SPOPL: variants seen among roughly 807,000 people sequenced by gnomAD.
SPOPL encodes speckle-type POZ protein-like.
Under a neutral mutation model 53.8 loss-of-function variants are expected in SPOPL, and 23 were observed. That is an observed-to-expected ratio of 0.43 (90% CI 0.31 to 0.61). SPOPL has a LOEUF of 0.61. SPOPL is among the 20% of genes least tolerant of loss of function. SPOPL has a pLI of 0.12. For synonymous variants in SPOPL, 164 were observed against 149.7 expected (o/e 1.10, Z -0.70); for missense variants, 442 against 466.9 (o/e 0.95, Z 0.49).
At chr2:138,502,223 G>T (rs1684115911) in intron 1 of SPOPL, 104 bp downstream of exon 1, 1 of 152,026 alleles carries the variant, frequency 6.6e-6, no homozygotes, top group Non-Finnish European at 1.5e-5. Context: ...GCGCCTCACT[G>T]CGCCCTCTGC....
intron 1 of SPOPL, among the ~76,000 whole-genome samples, chr2:138,510,184 C>G (rs1684297460): frequency 1.3e-5 from 2 of 152,160 alleles, no homozygotes; most frequent in African/African-American, 4.8e-5. Context: ...CTATGAACAA[C>G]CTTATGCAGG....
Position 138,552,637 on chromosome 2 carries a change from G to A in SPOPL, c.436G>A (p.Ala146Thr), listed in dbSNP as rs369085753. ...TAGAAGGGACTTTTTGCTTGATGAA[G>A]CTAATGGTCTTTTACCAGATGACAA... is the stretch of plus-strand genomic sequence containing the variant. ...FIRRDFLLDEANGLLPDDKLT... is the reference protein window; with the variant it reads ...FIRRDFLLDETNGLLPDDKLT... The change falls in exon 5 of 11, where the codon GCT (alanine) becomes ACT (threonine). Residue 146 changes from alanine (A) to threonine (T), a missense_variant. Ala to Thr is a moderately conservative substitution (Grantham distance 58). Coordinates refer to ENST00000280098, the MANE Select transcript of SPOPL (RefSeq NM_001001664.3). 3.7e-6 allele frequency: 6 copies of A among 1,612,998 alleles called. No individual in the cohort carries two copies. Among genetic ancestry groups the A allele is most frequent in the South Asian group, 2.2e-5 (2 of 91,042 alleles).
At chr2:138,558,611 T>G (rs1479293355) in intron 5 of SPOPL, among the ~76,000 whole-genome samples, 1 of 152,142 alleles carries the variant, frequency 6.6e-6, no homozygotes. Context: ...CAAAATACTA[T>G]GTTTATGTAC....
intron 10 of SPOPL, among the ~76,000 whole-genome samples, chr2:138,568,124 ATGGAAGCT>A (rs1281956283): frequency 6.6e-6 from 1 of 152,180 alleles, no homozygotes; most frequent in Non-Finnish European, 1.5e-5. Flanking sequence ...AGGGAACATT[ATGGAAGCT>A]TGGTTTAAGA....
At position 138,525,665 on chromosome 2, in the gene SPOPL, A is replaced by AAAAACAAC. The variant is rs942717750; in HGVS notation, c.-61+23550_-61+23551insCAACAAAA. Among the ~76,000 whole-genome samples the AAAAACAAC allele has an allele frequency of 1.0e-3, 118 of 115,346 alleles. 1 individual carries two copies. Among genetic ancestry groups the AAAAACAAC allele is most frequent in the African/African-American group, 3.6e-3 (96 of 26,406 alleles). 75.7% of individuals were successfully genotyped at this position (115,346 alleles called of 152,430 possible). A position where few individuals can be genotyped will look rare whatever the true frequency, so the allele number is the denominator to read the frequency against. On this transcript the variant is annotated intron_variant, in intron 1 of 10. Coordinates refer to ENST00000280098, the MANE Select transcript of SPOPL (RefSeq NM_001001664.3). ...ATCAGTATAAAAAGTAGAAAAAAAA[A>AAAAACAAC]AAAAAAAAATACACAAAAAACAATT...
chr2:138,525,656 G>GAA (rs71406327), intron 1 of SPOPL, among the ~76,000 whole-genome samples: 2,076 of 29,956 alleles, frequency 0.069, 69 homozygotes, highest in African/African-American at 0.15. Flanking sequence ...ATAAAAAGTA[G>GAA]AAAAAAAAAA....
In SPOPL at chr2:138,571,277, C is replaced by T. The variant is rs773418526; in HGVS notation, c.*2197C>T. On this transcript the variant is annotated 3_prime_UTR_variant, in exon 11 of 11. Coordinates refer to ENST00000280098, the MANE Select transcript of SPOPL (RefSeq NM_001001664.3). ...CGGCACATTGTGATTTAATTCACCG[C>T]TTGAATCTATATTTCTAACCACAGT... is the stretch of plus-strand genomic sequence containing the variant. 2 of 152,464 alleles carry T rather than the reference C, an allele frequency of 1.3e-5. No individual in the cohort carries two copies. The highest frequency in any genetic ancestry group is 2.9e-5 in the Non-Finnish European group (2 of 68,004). 9.4% of individuals were successfully genotyped at this position (152,464 alleles called of 1,614,324 possible).
intron 1 of SPOPL, among the ~76,000 whole-genome samples, chr2:138,522,461 T>A (rs1032258746): frequency 2.6e-5 from 4 of 152,150 alleles, no homozygotes; most frequent in East Asian, 1.9e-4. Context: ...CCCTTTTTTT[T>A]AAAACTGGGG....
intron 1 of SPOPL, among the ~76,000 whole-genome samples, chr2:138,520,625 C>G (rs1486025022): frequency 6.6e-6 from 1 of 152,102 alleles, no homozygotes; most frequent in Non-Finnish European, 1.5e-5. Flanking sequence ...TTCCTTGTTT[C>G]TACATGGCCT....
intron 5 of SPOPL, among the ~76,000 whole-genome samples, chr2:138,554,890 C>A (rs1685388838): frequency 6.6e-6 from 1 of 152,020 alleles, no homozygotes; most frequent in Non-Finnish European, 1.5e-5. Context: ...TCCTGTTTAT[C>A]TTTTGCTAAG....
At chr2:138,566,102 T>G (rs1303698817) in intron 10 of SPOPL, among the ~76,000 whole-genome samples, 1 of 152,216 alleles carries the variant, frequency 6.6e-6, no homozygotes, top group African/African-American at 2.4e-5. Context: ...TAATCTGTTT[T>G]GATATATGTT....
At chr2:138,532,967 A>G (rs1369449111) in intron 1 of SPOPL, among the ~76,000 whole-genome samples, 8 of 152,128 alleles carry the variant, frequency 5.3e-5, no homozygotes, top group African/African-American at 1.4e-4. Context: ...GGTAGCCTCT[A>G]AGTACTTTTT....
At chr2:138,549,489 A>T (rs967481673) in intron 1 of SPOPL, among the ~76,000 whole-genome samples, 1 of 152,116 alleles carries the variant, frequency 6.6e-6, no homozygotes, top group East Asian at 1.9e-4. Flanking sequence ...TATCCTGGTT[A>T]GGTTATGAAG....
intron 1 of SPOPL, among the ~76,000 whole-genome samples, chr2:138,545,672 C>T (rs1685179102): frequency 6.6e-6 from 1 of 151,994 alleles, no homozygotes; most frequent in South Asian, 2.1e-4. Flanking sequence ...ATCTTCTGAC[C>T]TCATGATCCG....
chr2:138,556,705 T>G (rs1685431968), intron 5 of SPOPL, among the ~76,000 whole-genome samples: 1 of 152,198 alleles, frequency 6.6e-6, no homozygotes, highest in Non-Finnish European at 1.5e-5. Context: ...TAGGAGCACC[T>G]TTATTGGCAG....
At chr2:138,522,136 A>G (rs1684572439) in intron 1 of SPOPL, among the ~76,000 whole-genome samples, 1 of 152,192 alleles carries the variant, frequency 6.6e-6, no homozygotes, top group South Asian at 2.1e-4. Context: ...AGGTAATTCT[A>G]CTGCACACTT....
At chr2:138,548,037 A>G (rs1203201402) in intron 1 of SPOPL, among the ~76,000 whole-genome samples, 1 of 152,142 alleles carries the variant, frequency 6.6e-6, no homozygotes, top group Admixed American at 6.5e-5. Context: ...ATGTATTTAC[A>G]GGATGAATCT....
intron 8 of SPOPL, among the ~76,000 whole-genome samples, chr2:138,564,003 A>T (rs1454122464): frequency 6.6e-6 from 1 of 152,268 alleles, no homozygotes; most frequent in African/African-American, 2.4e-5. Flanking sequence ...AGTCAGACAA[A>T]AACAAACATG....
At chr2:138,568,428 G>A (rs1263863902) in intron 10 of SPOPL, among the ~76,000 whole-genome samples, 1 of 152,204 alleles carries the variant, frequency 6.6e-6, no homozygotes. Flanking sequence ...GGGTCTTGAG[G>A]CACATCCAAG....
Sources: allele counts gnomAD v4.1 joint callset (sites outside exome capture counted in the v4.1 genomes callset), GRCh38; gene constraint gnomAD v4.1.1; transcripts MANE v1.5; gene names NCBI Gene and HGNC (gene_info 2026-07-23, HGNC 2026-07-21).